The following NPAS3 variants were observed in gnomAD, a reference collection of about 807,000 sequenced individuals.
NPAS3 encodes neuronal PAS domain-containing protein 3.
NPAS3 carries 14 observed loss-of-function variants against 73.1 expected under a neutral mutation model. The ratio of observed to expected loss-of-function variants is 0.19; its 90% confidence interval spans 0.13 to 0.30. The LOEUF (loss-of-function observed/expected upper bound fraction) is 0.30, where lower values mean the gene tolerates loss of function less well. NPAS3 is among the 10% of genes least tolerant of loss of function. NPAS3 has a pLI of 1.00. For missense variants in NPAS3, 1,096 were observed against 1,250.0 expected, an observed-to-expected ratio of 0.88 and a Z score of 1.86; for synonymous variants, 620 against 541.5, an observed-to-expected ratio of 1.14 and a Z score of -2.01.
chr14:33,652,533 A>G (rs1595366565), intron 5 of NPAS3, among the ~76,000 whole-genome samples: 1 of 152,216 alleles, frequency 6.6e-6, no homozygotes, highest in Non-Finnish European at 1.5e-5. Context: ...AGGGGCTCGC[A>G]GAGCCCAAGT....
At chr14:33,655,037 G>T (rs1187581383) in intron 5 of NPAS3, among the ~76,000 whole-genome samples, 1 of 152,164 alleles carries the variant, frequency 6.6e-6, no homozygotes, top group Non-Finnish European at 1.5e-5. Context: ...CCTGCAAGGT[G>T]GATGTAACTG....
At chr14:33,519,501 G>T (rs1429449524) in intron 4 of NPAS3, among the ~76,000 whole-genome samples, 1 of 152,116 alleles carries the variant, frequency 6.6e-6, no homozygotes, top group Non-Finnish European at 1.5e-5. Context: ...GCTAGCATGG[G>T]ATTTGAAGTC....
At chr14:33,706,707 T>C (rs113255711) in intron 6 of NPAS3, among the ~76,000 whole-genome samples, 2 of 152,170 alleles carry the variant, frequency 1.3e-5, no homozygotes, top group African/African-American at 4.8e-5. Context: ...CTCCCAATAA[T>C]CCTAGGAGCG....
At chr14:33,446,658 TTTTC>T (rs1447699782) in intron 4 of NPAS3, among the ~76,000 whole-genome samples, 3 of 152,202 alleles carry the variant, frequency 2.0e-5, no homozygotes, top group Non-Finnish European at 2.9e-5. Flanking sequence ...GGTCTTTTTC[TTTTC>T]TTTCTTTCTT....
intron 6 of NPAS3, among the ~76,000 whole-genome samples, chr14:33,683,019 A>G (rs903456081): frequency 3.3e-5 from 5 of 149,806 alleles, no homozygotes; most frequent in African/African-American, 1.2e-4. Context: ...AAGATGTTGG[A>G]TCTTGGCACA....
chr14:33,768,281 T>G (rs897302272), intron 7 of NPAS3, among the ~76,000 whole-genome samples: 1 of 152,160 alleles, frequency 6.6e-6, no homozygotes, highest in African/African-American at 2.4e-5. Flanking sequence ...AAAGGAAACA[T>G]GAGGATCGAG....
At chr14:33,772,428 G>A (rs927884635) in intron 7 of NPAS3, among the ~76,000 whole-genome samples, 1 of 152,180 alleles carries the variant, frequency 6.6e-6, no homozygotes, top group Admixed American at 6.5e-5. Flanking sequence ...CTGACATGCT[G>A]ACAGCTCCCT....
At chr14:33,762,613 A>G (rs2062329298) in intron 7 of NPAS3, among the ~76,000 whole-genome samples, 1 of 152,180 alleles carries the variant, frequency 6.6e-6, no homozygotes, top group African/African-American at 2.4e-5. Context: ...TGATAAAGAC[A>G]TACGAATAGC....
intron 1 of NPAS3, among the ~76,000 whole-genome samples, chr14:33,018,250 G>C (rs2039464106): frequency 6.6e-6 from 1 of 152,134 alleles, no homozygotes; most frequent in African/African-American, 2.4e-5. Context: ...ACATTTGAAG[G>C]GTGTCATTTG....
At chr14:33,079,461 G>A (rs1442508912) in intron 2 of NPAS3, among the ~76,000 whole-genome samples, 4 of 151,330 alleles carry the variant, frequency 2.6e-5, no homozygotes, top group African/African-American at 9.7e-5. Context: ...TGGGATCACA[G>A]GTGCACGCCA....
chr14:33,273,888 C>A (rs1030930619), intron 3 of NPAS3, among the ~76,000 whole-genome samples: 1 of 152,172 alleles, frequency 6.6e-6, no homozygotes, highest in Admixed American at 6.5e-5. Flanking sequence ...TAGTGACTCC[C>A]AAATCTGGTT....
intron 2 of NPAS3, among the ~76,000 whole-genome samples, chr14:33,058,283 G>A (rs2040962967): frequency 1.3e-5 from 2 of 152,192 alleles, no homozygotes; most frequent in Admixed American, 1.3e-4. Context: ...GATGGAGTCA[G>A]TACAATTTTA....
intron 1 of NPAS3, among the ~76,000 whole-genome samples, chr14:33,001,397 G>T (rs566453950): frequency 1.3e-5 from 2 of 152,092 alleles, no homozygotes; most frequent in African/African-American, 2.4e-5. Flanking sequence ...GGCTTTGGGG[G>T]ACACATCATC....
At chr14:33,792,381 C>T (rs1315195077) in intron 9 of NPAS3, among the ~76,000 whole-genome samples, 1 of 152,008 alleles carries the variant, frequency 6.6e-6, no homozygotes, top group Non-Finnish European at 1.5e-5. Context: ...AATTTTACAA[C>T]GGTCCCGTTA....
At chr14:33,220,499 C>A (rs2047383821) in intron 3 of NPAS3, among the ~76,000 whole-genome samples, 1 of 152,146 alleles carries the variant, frequency 6.6e-6, no homozygotes, top group East Asian at 1.9e-4. Context: ...ATTTAAGGAG[C>A]TCATTTAAGA....
chr14:33,208,982 T>C (rs1474110970), intron 2 of NPAS3, among the ~76,000 whole-genome samples: 1 of 152,204 alleles, frequency 6.6e-6, no homozygotes, highest in Non-Finnish European at 1.5e-5. Flanking sequence ...ATACTCTTGA[T>C]GTTTACAGAG....
intron 1 of NPAS3, among the ~76,000 whole-genome samples, chr14:32,996,750 G>C (rs2038591595): frequency 6.6e-6 from 1 of 152,222 alleles, no homozygotes; most frequent in Non-Finnish European, 1.5e-5. Flanking sequence ...ATGCCTTGAA[G>C]TCCAGGCAGA....
At chr14:33,442,557 T>G (rs1241928474) in intron 4 of NPAS3, among the ~76,000 whole-genome samples, 20 of 152,220 alleles carry the variant, frequency 1.3e-4, no homozygotes, top group Admixed American at 1.3e-3. Context: ...CCCCATGCTA[T>G]CCTCATGATA....
intron 7 of NPAS3, among the ~76,000 whole-genome samples, chr14:33,742,359 C>T (rs114136437): frequency 0.021 from 3,177 of 152,170 alleles, 39 homozygotes; most frequent in Middle Eastern, 0.044. Flanking sequence ...GGTTTGGTTC[C>T]GACCACGACA....
Sources: allele counts gnomAD v4.1 joint callset (sites outside exome capture counted in the v4.1 genomes callset), GRCh38; gene constraint gnomAD v4.1.1; transcripts MANE v1.5; gene names NCBI Gene and HGNC (gene_info 2026-07-23, HGNC 2026-07-21).